The following GRK3 variants were observed in gnomAD, a reference collection of about 807,000 sequenced individuals.
GRK3 encodes the protein adrenergic, beta, receptor kinase 2.
A neutral mutation model predicts 95.7 loss-of-function variants in GRK3; 54 were observed. The ratio of observed to expected loss-of-function variants is 0.56; its 90% CI spans 0.45 to 0.71. The LOEUF (loss-of-function observed/expected upper bound fraction) is 0.71. GRK3 is among the 30% of genes least tolerant of loss of function. The pLI is 0.00. For synonymous variants in GRK3, 281 were observed against 290.8 expected (o/e 0.97, Z 0.34); for missense variants, 649 against 851.2 (o/e 0.76, Z 2.96).
chr22:25,585,891 A>G (rs1376432823), intron 1 of GRK3, among the ~76,000 whole-genome samples: 1 of 152,286 alleles, frequency 6.6e-6, no homozygotes, highest in African/African-American at 2.4e-5. Context: ...CATTTTCTAG[A>G]GCCCCCTTTT....
At chr22:25,661,726 C>A (rs752088946) in intron 4 of GRK3, 49 bp downstream of exon 4, 15 of 1,175,358 alleles carry the variant, frequency 1.3e-5, no homozygotes, top group South Asian at 2.9e-5. Flanking sequence ...GAATAAGGGA[C>A]CATGTTCAGC....
intron 1 of GRK3, among the ~76,000 whole-genome samples, chr22:25,600,220 C>T (rs1325151744): frequency 6.6e-6 from 1 of 150,616 alleles, no homozygotes; most frequent in African/African-American, 2.5e-5. Flanking sequence ...GATCTCGGCT[C>T]ACTGCAACGT....
Position 25,722,683 on chromosome 22 carries a change from T to TA in GRK3, c.*234dup, listed in dbSNP as rs1278281237. On this transcript the variant is annotated 3_prime_UTR_variant, in exon 21 of 21. Coordinates refer to ENST00000324198, the MANE Select transcript of GRK3 (RefSeq NM_005160.4). ...TTTCTTTGCTACACACTTTGGTACC[T>TA]ATGAACCTAGAACTTGAAGTGACTC... is the stretch of plus-strand genomic sequence containing the variant. The TA allele has an allele frequency of 2.3e-6, 1 of 433,472 alleles. No individual in the cohort carries two copies. Among genetic ancestry groups the TA allele is most frequent in the African/African-American group, 2.0e-5 (1 of 50,656 alleles). The allele number at this position is 433,472 out of a possible 1,614,324, so 26.9% of individuals were successfully genotyped here. A position where few individuals can be genotyped will look rare whatever the true frequency, so the allele number is the denominator to read the frequency against.
In GRK3 at chr22:25,722,599, A is replaced by C; in HGVS notation, c.*149A>C. 1 of 674,056 alleles carries C rather than the reference A, an allele frequency of 1.5e-6. No homozygotes were observed. Among genetic ancestry groups the C allele is most frequent in the Non-Finnish European group, 2.4e-6 (1 of 412,306 alleles). The allele number at this position is 674,056 out of a possible 1,614,324, so 41.8% of individuals were successfully genotyped here. ...GGACCCTTCGGCTTGGGGTCAGCTC[A>C]GCTCCCTGCCTTGTCACATTTGTCT... On this transcript the variant is annotated 3_prime_UTR_variant, in exon 21 of 21. Coordinates refer to ENST00000324198, the MANE Select transcript of GRK3 (RefSeq NM_005160.4).
intron 1 of GRK3, among the ~76,000 whole-genome samples, chr22:25,588,352 A>G (rs1932386780): frequency 6.6e-6 from 1 of 152,234 alleles, no homozygotes. Context: ...CACAAAATAA[A>G]TTTGTAGTTA....
At chr22:25,664,225 T>A (rs571867448) in intron 5 of GRK3, among the ~76,000 whole-genome samples, 2 of 152,208 alleles carry the variant, frequency 1.3e-5, no homozygotes, top group Non-Finnish European at 2.9e-5. Context: ...TGACAAGACT[T>A]GGAAAATCAG....
chr22:25,578,602 C>A (rs1417442458), intron 1 of GRK3, among the ~76,000 whole-genome samples: 2 of 152,020 alleles, frequency 1.3e-5, no homozygotes, highest in Non-Finnish European at 2.9e-5. Context: ...CTAGTGTTAC[C>A]GCCAGGGAGG....
chr22:25,569,524 C>T (rs1411262422), intron 1 of GRK3, among the ~76,000 whole-genome samples: 2 of 152,288 alleles, frequency 1.3e-5, no homozygotes, highest in Admixed American at 1.3e-4. Flanking sequence ...TAGAGACAGC[C>T]TCTTACAGTG....
chr22:25,635,080 C>A (rs1304451324), intron 2 of GRK3, among the ~76,000 whole-genome samples: 1 of 152,118 alleles, frequency 6.6e-6, no homozygotes, highest in Non-Finnish European at 1.5e-5. Flanking sequence ...GAATGTGGCC[C>A]CACATAAATT....
intron 9 of GRK3, among the ~76,000 whole-genome samples, chr22:25,683,579 G>C (rs2085091059): frequency 6.6e-6 from 1 of 152,168 alleles, no homozygotes; most frequent in African/African-American, 2.4e-5. Flanking sequence ...GTTCTCGTGG[G>C]TTTAGTGATG....
intron 2 of GRK3, among the ~76,000 whole-genome samples, chr22:25,626,201 T>A (rs2146363412): frequency 6.6e-6 from 1 of 152,318 alleles, no homozygotes; most frequent in Non-Finnish European, 1.5e-5. Context: ...AGTGCTGGGA[T>A]TACAGGCGTG....
intron 6 of GRK3, among the ~76,000 whole-genome samples, chr22:25,670,041 A>C (rs886888723): frequency 2.6e-5 from 4 of 152,248 alleles, no homozygotes; most frequent in African/African-American, 9.6e-5. Context: ...TTAATTGACC[A>C]ACTTCATTAG....
chr22:25,592,771 T>C (rs2146329166), intron 1 of GRK3, among the ~76,000 whole-genome samples: 1 of 152,324 alleles, frequency 6.6e-6, no homozygotes, highest in East Asian at 1.9e-4. Context: ...GAGCACAGTA[T>C]CCAGTAGTGT....
chr22:25,701,128 G>A (rs1007085873), intron 13 of GRK3, among the ~76,000 whole-genome samples: 11 of 152,116 alleles, frequency 7.2e-5, no homozygotes, highest in South Asian at 2.1e-4. Context: ...TTCCCACAAC[G>A]CTCCCTGATG....
At chr22:25,592,384 A>G (rs564584478) in intron 1 of GRK3, among the ~76,000 whole-genome samples, 28 of 152,204 alleles carry the variant, frequency 1.8e-4, no homozygotes, top group Middle Eastern at 3.4e-3. Flanking sequence ...CAGATCTTCA[A>G]TTGGATAGAT....
At chr22:25,642,915 T>C (rs935590884) in intron 2 of GRK3, among the ~76,000 whole-genome samples, 1 of 152,154 alleles carries the variant, frequency 6.6e-6, no homozygotes, top group Non-Finnish European at 1.5e-5. Context: ...TTCCGTTAGA[T>C]AGACCAAAAG....
chr22:25,605,738 A>C (rs2084441009), intron 2 of GRK3, among the ~76,000 whole-genome samples: 1 of 151,820 alleles, frequency 6.6e-6, no homozygotes, highest in South Asian at 2.1e-4. Context: ...TCTGCCTTCT[A>C]CCCTCCCTCA....
chr22:25,676,445 A>G (rs893462027), intron 8 of GRK3, among the ~76,000 whole-genome samples: 9 of 152,162 alleles, frequency 5.9e-5, no homozygotes, highest in African/African-American at 2.2e-4. Flanking sequence ...TAATCCCAGC[A>G]CTTTGGGAGG....
chr22:25,624,426 T>C (rs1328496715), intron 2 of GRK3, among the ~76,000 whole-genome samples: 1 of 152,018 alleles, frequency 6.6e-6, no homozygotes, highest in East Asian at 1.9e-4. Context: ...TAGCTGGGTG[T>C]GGTGGCGGGC....
Sources: allele counts gnomAD v4.1 joint callset (sites outside exome capture counted in the v4.1 genomes callset), GRCh38; gene constraint gnomAD v4.1.1; transcripts MANE v1.5; gene names NCBI Gene and HGNC (gene_info 2026-07-23, HGNC 2026-07-21).